Variants in EZR observed in about 807,000 individuals in gnomAD.
EZR encodes ezrin.
Under a neutral mutation model 74.8 loss-of-function variants are expected in EZR, and 40 were observed. The observed-to-expected ratio is 0.53, with a 90% CI of 0.42 to 0.70. EZR has a LOEUF of 0.70. Ranked by LOEUF, EZR falls within the 30% of genes least tolerant of loss-of-function variation. EZR has a pLI of 0.00. For synonymous variants in EZR, 341 were observed against 283.3 expected, an observed-to-expected ratio of 1.20 and a Z score of -2.05; for missense variants, 678 against 755.8, an observed-to-expected ratio of 0.90 and a Z score of 1.21.
intron 2 of EZR, among the ~76,000 whole-genome samples, chr6:158,798,413 T>C (rs1227262699): frequency 6.6e-6 from 1 of 152,240 alleles, no homozygotes; most frequent in Non-Finnish European, 1.5e-5. Context: ...AATGAAAATA[T>C]TCTATGTTCT....
chr6:158,766,831 C>T lies in EZR; in HGVS notation c.*83G>A, dbSNP rs1312861215. On this transcript the variant is annotated 3_prime_UTR_variant, in exon 14 of 14. Coordinates refer to ENST00000367075, the MANE Select transcript of EZR (RefSeq NM_001111077.2). Reference sequence around the variant, plus strand: ...ACTGGGATCTGAGGGAGTTCCTAGACTTGGAGCACTAAAGACACAAGCGTG... The same window carrying T: ...ACTGGGATCTGAGGGAGTTCCTAGATTTGGAGCACTAAAGACACAAGCGTG... 1 of 1,326,958 alleles carries T rather than the reference C, an allele frequency of 7.5e-7. No homozygotes were observed. The highest frequency in any genetic ancestry group is 1.0e-6 in the Non-Finnish European group (1 of 953,692). The allele number at this position is 1,326,958 out of a possible 1,614,324, so 82.2% of individuals were successfully genotyped here. A position where few individuals can be genotyped will look rare whatever the true frequency, so the allele number is the denominator to read the frequency against.
chr6:158,795,660 T>C (rs914340023), intron 2 of EZR, among the ~76,000 whole-genome samples: 2 of 152,156 alleles, frequency 1.3e-5, no homozygotes, highest in African/African-American at 4.8e-5. Context: ...GCCCTTCCTA[T>C]CCCCGAGTGG....
At chr6:158,804,762 T>TTTTC (rs59674471) in intron 2 of EZR, among the ~76,000 whole-genome samples, 1 of 89,160 alleles carries the variant, frequency 1.1e-5, no homozygotes, top group Non-Finnish European at 2.2e-5. Flanking sequence ...TTTCTTTTTT[T>TTTTC]CTTATTTTTT....
chr6:158,788,761 A>G (rs925991571), intron 3 of EZR, among the ~76,000 whole-genome samples: 3 of 152,224 alleles, frequency 2.0e-5, no homozygotes, highest in African/African-American at 7.2e-5. Flanking sequence ...AAAATCTTCC[A>G]ATTTTAAAAA....
At chr6:158,787,691 G>A (rs1791620910) in intron 3 of EZR, among the ~76,000 whole-genome samples, 1 of 152,218 alleles carries the variant, frequency 6.6e-6, no homozygotes, top group African/African-American at 2.4e-5. Context: ...TGGCCCAGGG[G>A]TCTGACTTAC....
intron 8 of EZR, among the ~76,000 whole-genome samples, chr6:158,774,672 AACACACACACAC>A (rs56400693): frequency 0.021 from 3,030 of 142,276 alleles, 43 homozygotes; most frequent in African/African-American, 0.032. Flanking sequence ...CTTATCATCA[AACACACACACAC>A]ACACACACAC....
chr6:158,815,262 C>CCT (rs992467636), intron 2 of EZR, among the ~76,000 whole-genome samples: 1 of 152,198 alleles, frequency 6.6e-6, no homozygotes, highest in African/African-American at 2.4e-5. Flanking sequence ...CTAACTGGAT[C>CCT]CTCTCTAACA....
intron 2 of EZR, among the ~76,000 whole-genome samples, chr6:158,802,364 G>A (rs1777204171): frequency 6.6e-6 from 1 of 152,148 alleles, no homozygotes; most frequent in South Asian, 2.1e-4. Flanking sequence ...TTAACTGCCA[G>A]CAAGTCTGGC....
At chr6:158,769,660 G>GCC (rs1382511233) in intron 11 of EZR, 124 bp downstream of exon 11, 12 of 1,396,970 alleles carry the variant, frequency 8.6e-6, no homozygotes, top group Admixed American at 1.8e-5. Context: ...GCTGCCTTCA[G>GCC]CCCCCCAGCA....
At chr6:158,808,365 T>G (rs762384671) in intron 2 of EZR, among the ~76,000 whole-genome samples, 5 of 152,200 alleles carry the variant, frequency 3.3e-5, no homozygotes, top group African/African-American at 4.8e-5. Flanking sequence ...CTGTCCCATA[T>G]GTAAATTTCC....
intron 2 of EZR, among the ~76,000 whole-genome samples, chr6:158,817,790 G>A (rs553239038): frequency 6.6e-6 from 1 of 152,174 alleles, no homozygotes; most frequent in Non-Finnish European, 1.5e-5. Context: ...TTTAAAAACA[G>A]ACGGAAGCAG....
At chr6:158,767,616 C>T (rs539505262) in intron 12 of EZR, 104 bp from the exon 13 acceptor site, 9 of 1,285,972 alleles carry the variant, frequency 7.0e-6, no homozygotes, top group Non-Finnish European at 1.1e-6. Context: ...GCTAAGGCAG[C>T]ACTGAACTGT....
At chr6:158,775,034 CTTTTTTTT>C (rs397732491) in intron 8 of EZR, among the ~76,000 whole-genome samples, 1 of 121,550 alleles carries the variant, frequency 8.2e-6, no homozygotes, top group Non-Finnish European at 1.6e-5. Context: ...AGCAGGAGCC[CTTTTTTTT>C]TTTTTTTTTT....
rs1453292145 is a variant in EZR, at chr6:158,766,886, C to A, written c.*28G>T. On this transcript the variant is annotated 3_prime_UTR_variant, in exon 14 of 14. Transcript: ENST00000367075. Reference sequence around the variant, plus strand: ...GGCTGGCAGCGCCCGCTATGAGCACCCCTCTGCCCTTGGTCCTGGCCTGGC... The same window carrying A: ...GGCTGGCAGCGCCCGCTATGAGCACACCTCTGCCCTTGGTCCTGGCCTGGC... The A allele has an allele frequency of 6.2e-7, 1 of 1,605,686 alleles. No homozygotes were observed. The highest frequency in any genetic ancestry group is 1.1e-5 in the South Asian group (1 of 90,586).
intron 2 of EZR, among the ~76,000 whole-genome samples, chr6:158,795,520 T>A (rs1017026601): frequency 6.6e-6 from 1 of 152,220 alleles, no homozygotes; most frequent in African/African-American, 2.4e-5. Flanking sequence ...TAATGTTCCA[T>A]GGCCACAGAC....
intron 12 of EZR, among the ~76,000 whole-genome samples, chr6:158,768,167 C>T (rs1790970099): frequency 6.6e-6 from 1 of 151,904 alleles, no homozygotes; most frequent in African/African-American, 2.4e-5. Context: ...CTATGCTGTT[C>T]TCGTGCTAGT....
intron 2 of EZR, among the ~76,000 whole-genome samples, chr6:158,803,047 C>G (rs1777222152): frequency 6.6e-6 from 1 of 151,958 alleles, no homozygotes; most frequent in East Asian, 1.9e-4. Context: ...GCCACTCACA[C>G]CTCCTTTTCT....
rs570420297 is a variant in EZR, at chr6:158,785,208, C to A, written c.467+101G>T. On this transcript the variant is annotated intron_variant, in intron 5 of 13. Coordinates refer to ENST00000367075, the MANE Select transcript of EZR (RefSeq NM_001111077.2). ...AGCATGAAGGAGCACTTGACACTGG[C>A]GAAGTCCTTGTGTTTTTAAACTGTG... 4.1e-6 allele frequency: 6 copies of A among 1,446,020 alleles called. No homozygotes were observed. The East Asian group carries it at 1.1e-4, about 28-fold the overall frequency. 89.6% of individuals were successfully genotyped at this position (1,446,020 alleles called of 1,614,324 possible).
At position 158,767,011 on chromosome 6, in the gene EZR, T is replaced by C. The variant is rs141743123; in HGVS notation, c.1664A>G (p.Asn555Ser). 3.1e-6 allele frequency: 5 copies of C among 1,614,070 alleles called. No homozygotes were observed. The highest frequency in any genetic ancestry group is 1.6e-4 in the Middle Eastern group (1 of 6,084). The change falls in exon 14 of 14, where the codon AAC becomes AGC. Residue 555 changes from asparagine (N) to serine (S), a missense_variant. By Grantham distance (46) the Asn-to-Ser change is conservative (BLOSUM62 1). Coordinates refer to ENST00000367075, the MANE Select transcript of EZR (RefSeq NM_001111077.2). ...GTCCCGGCCTTGCCTCATGTTCTCG[T>C]TGTGGATGATGTCATTGTGGGTCCT... The part of the protein sequence containing the change: ...NKRTHNDIIH[N>S]ENMRQGRDKY...
Sources: gnomAD v4.1 joint callset for allele counts (sites outside exome capture counted in the v4.1 genomes callset) on GRCh38, gnomAD v4.1.1 for gene constraint, MANE v1.5 for transcripts, NCBI Gene and HGNC (gene_info 2026-07-23, HGNC 2026-07-21) for gene names.